The following ATRNL1 variants were observed in gnomAD, a reference collection of about 807,000 sequenced individuals.
The protein encoded by ATRNL1 is attractin-like protein 1.
A neutral mutation model predicts 182.7 loss-of-function variants in ATRNL1; 95 were observed. The observed-to-expected ratio is 0.52, with a 90% CI of 0.44 to 0.62. ATRNL1 has a LOEUF of 0.62. Ranked by LOEUF, ATRNL1 falls within the 20% of genes least tolerant of loss-of-function variation. The pLI, the probability that ATRNL1 is intolerant of heterozygous loss-of-function variation, is 0.00. For synonymous variants in ATRNL1, 576 were observed against 568.3 expected, an observed-to-expected ratio of 1.01 and a Z score of -0.19; for missense variants, 1,471 against 1,679.5, an observed-to-expected ratio of 0.88 and a Z score of 2.17.
chr10:115,506,362 GCAAA>G (rs1182748420), intron 24 of ATRNL1, among the ~76,000 whole-genome samples: 5 of 152,020 alleles, frequency 3.3e-5, no homozygotes, highest in Admixed American at 6.6e-5. Context: ...ACAAACGACA[GCAAA>G]CAAACACATT....
chr10:115,381,831 C>T (rs540102753), intron 19 of ATRNL1, among the ~76,000 whole-genome samples: 3 of 151,860 alleles, frequency 2.0e-5, no homozygotes, highest in Admixed American at 2.0e-4. Flanking sequence ...AATTTTAACT[C>T]TTATATTTAG....
intron 24 of ATRNL1, among the ~76,000 whole-genome samples, chr10:115,499,616 G>C (rs1849714766): frequency 6.6e-6 from 1 of 152,182 alleles, no homozygotes; most frequent in Non-Finnish European, 1.5e-5. Context: ...AGTCTGGAAA[G>C]GCAGGACAGC....
At chr10:115,265,344 G>T in intron 11 of ATRNL1, 67 bp downstream of exon 11, 3 of 997,072 alleles carry the variant, frequency 3.0e-6, no homozygotes, top group Non-Finnish European at 4.5e-6. Flanking sequence ...TCATATTCTG[G>T]TATTCTTTTT....
chr10:115,812,101 A>G (rs149068564), intron 27 of ATRNL1, among the ~76,000 whole-genome samples: 217 of 152,150 alleles, frequency 1.4e-3, no homozygotes, highest in Middle Eastern at 6.8e-3. Flanking sequence ...CCATCACTCC[A>G]GCTTTCTTTT....
intron 27 of ATRNL1, among the ~76,000 whole-genome samples, chr10:115,830,092 T>C (rs1950526015): frequency 1.3e-5 from 2 of 152,206 alleles, no homozygotes; most frequent in African/African-American, 4.8e-5. Context: ...AAGTCTGCAG[T>C]TCTAGCTGCA....
intron 28 of ATRNL1, among the ~76,000 whole-genome samples, chr10:115,859,532 A>G (rs1301886969): frequency 1.3e-5 from 2 of 152,226 alleles, no homozygotes; most frequent in Admixed American, 6.5e-5. Flanking sequence ...AGGAAAATTA[A>G]GTGACTTGAG....
intron 21 of ATRNL1, among the ~76,000 whole-genome samples, chr10:115,442,230 T>C (rs1021938274): frequency 1.2e-4 from 18 of 150,850 alleles, no homozygotes; most frequent in African/African-American, 4.4e-4. Flanking sequence ...GAATTATTTT[T>C]TTTTCCTCAA....
At chr10:115,103,938 A>G (rs1843890735) in intron 1 of ATRNL1, among the ~76,000 whole-genome samples, 1 of 152,008 alleles carries the variant, frequency 6.6e-6, no homozygotes, top group Non-Finnish European at 1.5e-5. Context: ...TTATCCATTC[A>G]TTTCTTGATG....
chr10:115,803,639 A>G lies in ATRNL1; in HGVS notation c.3904-44238A>G, dbSNP rs115451490. On this transcript the variant is annotated intron_variant, in intron 27 of 28. Coordinates refer to ENST00000355044, the MANE Select transcript of ATRNL1 (RefSeq NM_207303.4). Reference sequence around the variant, plus strand: ...TTTTAAGCAAATGGGCTTTTTATATATCTTTTTGATTCGGTACATTCCTTA... The same window carrying G: ...TTTTAAGCAAATGGGCTTTTTATATGTCTTTTTGATTCGGTACATTCCTTA... 8.0e-3 allele frequency among the ~76,000 whole-genome samples: 1,217 copies of G among 151,456 alleles called. 22 individuals are homozygous for G. The highest frequency in any genetic ancestry group is 0.028 in the African/African-American group (1,155 of 41,350).
intron 27 of ATRNL1, among the ~76,000 whole-genome samples, chr10:115,736,466 A>G (rs4600124): frequency 0.47 from 71,168 of 151,808 alleles, 18,361 homozygotes; most frequent in East Asian, 0.75. Context: ...TTCATTTTTC[A>G]TTCCGAATAA....
At chr10:115,534,512 T>C (rs1851831770) in intron 25 of ATRNL1, among the ~76,000 whole-genome samples, 1 of 152,288 alleles carries the variant, frequency 6.6e-6, no homozygotes, top group Non-Finnish European at 1.5e-5. Context: ...GCACATGAGA[T>C]GGGTTTCCTG....
chr10:115,115,522 AATT>A (rs1554869669), intron 1 of ATRNL1, among the ~76,000 whole-genome samples: 1 of 152,142 alleles, frequency 6.6e-6, no homozygotes, highest in African/African-American at 2.4e-5. Context: ...GAATATATAC[AATT>A]ATTATTTGTC....
chr10:115,713,076 G>A (rs1437504523), intron 26 of ATRNL1, among the ~76,000 whole-genome samples: 1 of 151,946 alleles, frequency 6.6e-6, no homozygotes, highest in Non-Finnish European at 1.5e-5. Context: ...TTTTGCTGTG[G>A]CTGTTGCCAC....
intron 15 of ATRNL1, among the ~76,000 whole-genome samples, chr10:115,297,836 A>G (rs1853281157): frequency 1.3e-5 from 2 of 152,116 alleles, no homozygotes; most frequent in African/African-American, 2.4e-5. Flanking sequence ...AGTTCTTACA[A>G]TATAACCTTG....
intron 26 of ATRNL1, among the ~76,000 whole-genome samples, chr10:115,712,704 C>T (rs1350902840): frequency 6.6e-6 from 1 of 151,852 alleles, no homozygotes; most frequent in Non-Finnish European, 1.5e-5. Flanking sequence ...ACTGTCTCTA[C>T]TAAAAGTACA....
intron 8 of ATRNL1, among the ~76,000 whole-genome samples, chr10:115,212,381 G>C (rs1294758801): frequency 6.6e-6 from 1 of 151,232 alleles, no homozygotes; most frequent in East Asian, 1.9e-4. Context: ...AAAAAGGAAT[G>C]CTTATACACT....
At chr10:115,879,652 TAAAAAC>T (rs1951782300) in intron 28 of ATRNL1, among the ~76,000 whole-genome samples, 1 of 152,020 alleles carries the variant, frequency 6.6e-6, no homozygotes. Flanking sequence ...AAACAGAAAA[TAAAAAC>T]AATAGTAGTC....
intron 25 of ATRNL1, among the ~76,000 whole-genome samples, chr10:115,540,983 G>A (rs1190337388): frequency 6.6e-6 from 1 of 152,096 alleles, no homozygotes; most frequent in Non-Finnish European, 1.5e-5. Context: ...TATCTAGAAG[G>A]TAATGTAGGA....
At chr10:115,839,467 T>C (rs1473152465) in intron 27 of ATRNL1, among the ~76,000 whole-genome samples, 2 of 152,186 alleles carry the variant, frequency 1.3e-5, no homozygotes, top group African/African-American at 4.8e-5. Context: ...CATCCCTCTT[T>C]ACAGAATATT....
Sources: allele counts gnomAD v4.1 joint callset (sites outside exome capture counted in the v4.1 genomes callset), GRCh38; gene constraint gnomAD v4.1.1; transcripts MANE v1.5; gene names NCBI Gene and HGNC (gene_info 2026-07-23, HGNC 2026-07-21).